The following LIN7A variants were observed in gnomAD, a reference collection of about 807,000 sequenced individuals.
The protein encoded by LIN7A is lin-7 cell polarity scaffold A, also known as protein lin-7 homolog A.
A neutral mutation model predicts 29.8 loss-of-function variants in LIN7A; 25 were observed. The observed-to-expected ratio is 0.84, with a 90% CI of 0.61 to 1.17. LIN7A has a LOEUF of 1.17. LIN7A is among the 50% of genes most tolerant of loss of function. LIN7A has a pLI of 0.00. For missense variants in LIN7A, 239 were observed against 287.0 expected (o/e 0.83, Z 1.21); for synonymous variants, 118 against 107.5 (o/e 1.10, Z -0.60).
intron 1 of LIN7A, among the ~76,000 whole-genome samples, chr12:80,909,626 TA>T (rs963388483): frequency 6.6e-6 from 1 of 152,082 alleles, no homozygotes; most frequent in African/African-American, 2.4e-5. Context: ...GGACCTTTTT[TA>T]TAAGAGCATT....
Position 80,799,233 on chromosome 12 carries a change from T to C in LIN7A, c.*1-1507A>G, listed in dbSNP as rs1437453541. Among the ~76,000 whole-genome samples, 6 of 152,340 alleles carry C rather than the reference T, an allele frequency of 3.9e-5. No individual in the cohort carries two copies. In the East Asian group the frequency reaches 1.2e-3, roughly 29 times the overall value. ...AAGAACCAGCTGCAACAAATGTTAGTATTGCCCTCAGTCATGATTTATAAT... is the reference window on the plus strand; with the variant it reads ...AAGAACCAGCTGCAACAAATGTTAGCATTGCCCTCAGTCATGATTTATAAT... On this transcript the variant is annotated intron_variant, in intron 5 of 5. Transcript: ENST00000552864.
chr12:80,824,963 A>G (rs1871989547), intron 4 of LIN7A, among the ~76,000 whole-genome samples: 1 of 152,224 alleles, frequency 6.6e-6, no homozygotes, highest in Non-Finnish European at 1.5e-5. Flanking sequence ...CAAGACAAGG[A>G]TGCCCACTTT....
chr12:80,842,189 T>C lies in LIN7A; in HGVS notation c.483+3541A>G, dbSNP rs1872854786. On this transcript the variant is annotated intron_variant, in intron 4 of 5. Coordinates refer to ENST00000552864, the MANE Select transcript of LIN7A (RefSeq NM_004664.4). ...TTTGTCTTTATTTTTATTTATTGAT[T>C]TCCCCCCCTTTCCATCACACTTTAT... The C allele has an allele frequency of 3.4e-6, 4 of 1,168,904 alleles. No individual in the cohort carries two copies. The South Asian group carries it at 4.1e-5, about 12-fold the overall frequency. 72.4% of individuals were successfully genotyped at this position (1,168,904 alleles called of 1,614,324 possible).
intron 4 of LIN7A, chr12:80,841,914 C>T (rs1872840754): frequency 6.7e-6 from 7 of 1,040,406 alleles, no homozygotes; most frequent in South Asian, 3.1e-5. Flanking sequence ...TTTAATTCAG[C>T]ATTCAGTTGT....
At chr12:80,887,268 T>C (rs1207931589) in intron 2 of LIN7A, among the ~76,000 whole-genome samples, 1 of 152,122 alleles carries the variant, frequency 6.6e-6, no homozygotes, top group Non-Finnish European at 1.5e-5. Context: ...ATCTTATCTG[T>C]CACTCAATCT....
At chr12:80,856,371 A>AAAGCAGAT (rs1873600411) in intron 2 of LIN7A, among the ~76,000 whole-genome samples, 1 of 152,224 alleles carries the variant, frequency 6.6e-6, no homozygotes, top group African/African-American at 2.4e-5. Flanking sequence ...CTCCACCATT[A>AAAGCAGAT]AAGCAGATAT....
intron 1 of LIN7A, among the ~76,000 whole-genome samples, chr12:80,925,034 G>A (rs1281536590): frequency 2.0e-5 from 3 of 152,052 alleles, no homozygotes; most frequent in Admixed American, 6.5e-5. Context: ...TATATCCTTC[G>A]CTCATTTACC....
At chr12:80,835,747 C>CGGT (rs1378052893) in intron 4 of LIN7A, among the ~76,000 whole-genome samples, 1 of 152,042 alleles carries the variant, frequency 6.6e-6, no homozygotes, top group Non-Finnish European at 1.5e-5. Context: ...AATAGAGTCT[C>CGGT]AAAGAGTAAA....
chr12:80,926,121 C>T (rs917391598), intron 1 of LIN7A, among the ~76,000 whole-genome samples: 4 of 152,178 alleles, frequency 2.6e-5, no homozygotes, highest in African/African-American at 9.7e-5. Flanking sequence ...TTGTATTCCA[C>T]TGTTAACTTT....
At chr12:80,829,744 A>G (rs918557019) in intron 4 of LIN7A, among the ~76,000 whole-genome samples, 1 of 152,140 alleles carries the variant, frequency 6.6e-6, no homozygotes. Flanking sequence ...TGTTGATCTT[A>G]TCCCCCTTCC....
At chr12:80,822,450 CAG>C (rs1871852476) in intron 4 of LIN7A, among the ~76,000 whole-genome samples, 1 of 152,092 alleles carries the variant, frequency 6.6e-6, no homozygotes, top group Non-Finnish European at 1.5e-5. Flanking sequence ...TCCAGCTACT[CAG>C]GAGGCTGAGG....
intron 5 of LIN7A, among the ~76,000 whole-genome samples, chr12:80,800,217 C>T (rs1870648791): frequency 6.6e-6 from 1 of 152,064 alleles, no homozygotes; most frequent in Non-Finnish European, 1.5e-5. Flanking sequence ...GGGCCGGGTA[C>T]GGTGGCTCAC....
At chr12:80,813,416 A>G (rs1442013071) in intron 4 of LIN7A, among the ~76,000 whole-genome samples, 1 of 152,208 alleles carries the variant, frequency 6.6e-6, no homozygotes, top group African/African-American at 2.4e-5. Flanking sequence ...CTTAACAAAA[A>G]CTGGTGAAAT....
At chr12:80,907,749 G>A (rs553700182) in intron 1 of LIN7A, among the ~76,000 whole-genome samples, 37 of 152,130 alleles carry the variant, frequency 2.4e-4, no homozygotes, top group African/African-American at 8.7e-4. Context: ...CTTTTTAGAG[G>A]AGAATGGAAA....
At chr12:80,892,978 T>A (rs1173001220) in intron 1 of LIN7A, among the ~76,000 whole-genome samples, 2 of 152,204 alleles carry the variant, frequency 1.3e-5, no homozygotes. Flanking sequence ...AGATGCCTAA[T>A]CCTTACCCCA....
At chr12:80,889,708 A>C (rs1188390165) in intron 1 of LIN7A, among the ~76,000 whole-genome samples, 2 of 152,106 alleles carry the variant, frequency 1.3e-5, no homozygotes, top group Non-Finnish European at 2.9e-5. Flanking sequence ...TTTGCCTCTG[A>C]GGTGCTTCCT....
chr12:80,802,992 C>T (rs1870793635), intron 5 of LIN7A, among the ~76,000 whole-genome samples: 1 of 152,100 alleles, frequency 6.6e-6, no homozygotes, highest in Non-Finnish European at 1.5e-5. Context: ...TATTTGTTTT[C>T]TTGCTATTGA....
intron 5 of LIN7A, among the ~76,000 whole-genome samples, chr12:80,810,075 T>A (rs553642688): frequency 1.3e-5 from 2 of 152,336 alleles, no homozygotes; most frequent in African/African-American, 4.8e-5. Context: ...TATTATTAAC[T>A]ATAGTTACCA....
At chr12:80,838,778 C>T (rs1027654282) in intron 4 of LIN7A, among the ~76,000 whole-genome samples, 1 of 152,148 alleles carries the variant, frequency 6.6e-6, no homozygotes, top group Admixed American at 6.5e-5. Context: ...GATCTGTGTG[C>T]CAGGCCTATA....
Sources: gnomAD v4.1 joint callset for allele counts (sites outside exome capture counted in the v4.1 genomes callset) on GRCh38, gnomAD v4.1.1 for gene constraint, MANE v1.5 for transcripts, NCBI Gene and HGNC (gene_info 2026-07-23, HGNC 2026-07-21) for gene names.